The following CARS1 variants were observed in gnomAD, a reference collection of about 807,000 sequenced individuals.
The protein encoded by CARS1 is cysteine--tRNA ligase, cytoplasmic.
In CARS1, 48 loss-of-function variants were observed where a neutral mutation model predicts 106.2. The ratio of observed to expected loss-of-function variants is 0.45; its 90% CI spans 0.36 to 0.57. CARS1 has a LOEUF of 0.57. Among genes scored for constraint, CARS1 ranks in the 20% least tolerant of loss-of-function variants. The pLI is 0.00. For missense variants in CARS1, 968 were observed against 1,057.2 expected (o/e 0.92, Z 1.17); for synonymous variants, 409 against 403.4 (o/e 1.01, Z -0.17).
intron 13 of CARS1, 43 bp downstream of exon 13, chr11:3,018,577 T>G: frequency 6.2e-7 from 1 of 1,613,102 alleles, no homozygotes; most frequent in South Asian, 1.1e-5. Flanking sequence ...TACACATGTA[T>G]GAGAAGGTGG....
rs1270380816 is a variant in CARS1 at position 3,045,775 on chromosome 11, T to A, written c.274+1978A>T. On this transcript the variant is annotated intron_variant, in intron 2 of 22. Coordinates refer to ENST00000380525, the MANE Select transcript of CARS1 (RefSeq NM_001014437.3). This position sits in a 1 kb window ranked among gnomAD's most constrained non-coding sequence, Gnocchi z 5.6. ...GTGCATGCTTGGGGAGTATGAGCCA[T>A]GGAAAGAGAGGGCGTTCCCACTCAG... Among the ~76,000 whole-genome samples the A allele has an allele frequency of 6.6e-6, 1 of 152,154 alleles. No homozygotes were observed. The highest frequency in any genetic ancestry group is 2.4e-5 in the African/African-American group (1 of 41,432).
At chr11:3,001,318 C>A (rs967039726) in intron 22 of CARS1, 70 bp from the exon 23 acceptor site, 81 of 1,573,202 alleles carry the variant, frequency 5.1e-5, no homozygotes, top group Non-Finnish European at 6.6e-5. Context: ...CCTTTCTTTG[C>A]CCTCCCGTCT....
intron 9 of CARS1, chr11:3,027,728 T>C: frequency 2.4e-6 from 1 of 420,130 alleles, no homozygotes. Context: ...AACCTCCTGT[T>C]ATGCCCGGAC....
chr11:3,039,202 C>A lies in CARS1; in HGVS notation c.643G>T (p.Ala215Ser), dbSNP rs558009289. 3.1e-6 allele frequency: 5 copies of A among 1,607,874 alleles called. No homozygotes were observed. The highest frequency in any genetic ancestry group is 1.7e-5 in the Admixed American group (1 of 59,942). ...AAQLLEDVQA[A>S]LKPFSVKLNE... ...GACAGCAAGAGGCCCACCTTCAGGG[C>A]GGCCTGAACATCCTCCAAGAGCTGT... The change falls in exon 6 of 23, where the codon GCC (alanine) becomes TCC (serine). Residue 215 changes from alanine to serine, a missense_variant. Physicochemically the swap from Ala to Ser is moderately conservative, Grantham distance 99. Coordinates refer to ENST00000380525, the MANE Select transcript of CARS1 (RefSeq NM_001014437.3). The surrounding 1 kb of genome is among the most constrained non-coding windows in gnomAD (Gnocchi z 5.6).
rs1036246786 is a variant in CARS1, at chr11:3,003,325, T to C, written c.2218-725A>G. On this transcript the variant is annotated intron_variant, in intron 20 of 22. Transcript: ENST00000380525. The surrounding 1 kb of genome is among the most constrained non-coding windows in gnomAD (Gnocchi z 4.8). ...TCCTTTGGACAGCCTAGGTTTCAGA[T>C]GCTTCCCAGCCCAGTGGAGCTATCA... Among the ~76,000 whole-genome samples, 2 of 152,164 alleles carry C rather than the reference T, an allele frequency of 1.3e-5. No individual in the cohort carries two copies. The highest frequency in any genetic ancestry group is 4.8e-5 in the African/African-American group (2 of 41,412).
Position 3,040,378 on chromosome 11 carries a change from G to C in CARS1, c.456-447C>G. ...ACCCTCTACCCTCCAGGTTGTTCAA[G>C]GGTTGACTATACATGACCTTGGCAC... On this transcript the variant is annotated intron_variant, in intron 4 of 22. Coordinates refer to ENST00000380525, the MANE Select transcript of CARS1 (RefSeq NM_001014437.3). The surrounding 1 kb of genome is among the most constrained non-coding windows in gnomAD (Gnocchi z 5.8). 1.1e-5 allele frequency: 4 copies of C among 366,490 alleles called. No homozygotes were observed. Among genetic ancestry groups the C allele is most frequent in the South Asian group, 8.2e-5 (4 of 48,614 alleles). The allele number at this position is 366,490 out of a possible 1,614,324, so 22.7% of individuals were successfully genotyped here. A position where few individuals can be genotyped will look rare whatever the true frequency, so the allele number is the denominator to read the frequency against.
chr11:3,008,866 C>T lies in CARS1; in HGVS notation c.2069-1907G>A, dbSNP rs1368821224. ...CTTTGAAAGCCACCCCTGGATAGCA[C>T]CCTCATTAGAAGGAAGGCAAGCCAG... On this transcript the variant is annotated intron_variant, in intron 18 of 22. Coordinates refer to ENST00000380525, the MANE Select transcript of CARS1 (RefSeq NM_001014437.3). This position sits in a 1 kb window ranked among gnomAD's most constrained non-coding sequence, Gnocchi z 5.1. 1 of 152,192 alleles carries T rather than the reference C, an allele frequency of 6.6e-6. No homozygotes were observed. Among genetic ancestry groups the T allele is most frequent in the Non-Finnish European group, 1.5e-5 (1 of 68,082 alleles). 9.4% of individuals were successfully genotyped at this position (152,192 alleles called of 1,614,324 possible).
At position 3,020,308 on chromosome 11, in the gene CARS1, C is replaced by T. The variant is rs35862603; in HGVS notation, c.1178G>A (p.Arg393His). The T allele has an allele frequency of 3.6e-5, 58 of 1,613,666 alleles. No homozygotes were observed. The highest frequency in any genetic ancestry group is 2.8e-4 in the African/African-American group (21 of 75,030). Residue 393 changes from arginine to histidine, a missense_variant, in exon 11 of 23, where the codon CGC (arginine) becomes CAC (histidine). Physicochemically the swap from Arg to His is conservative, Grantham distance 29. Coordinates refer to ENST00000380525, the MANE Select transcript of CARS1 (RefSeq NM_001014437.3). This position sits in a 1 kb window ranked among gnomAD's most constrained non-coding sequence, Gnocchi z 4.6. ...GEGDLSISAD[R>H]LSEKRSPNDF... ...GTTGGGAGAGCGCTTCTCACTCAGG[C>T]GGTCTGCAGAGATGCTCAGGTCACC... is the stretch of plus-strand genomic sequence containing the variant.
At chr11:3,012,333 CAG>C in intron 17 of CARS1, 57 bp from the exon 18 acceptor site, 1 of 1,467,874 alleles carries the variant, frequency 6.8e-7, no homozygotes, top group Non-Finnish European at 9.6e-7. Flanking sequence ...ATATTCATAA[CAG>C]AATAATAGCT....
At chr11:3,026,931 C>G (rs1297054397) in intron 9 of CARS1, 134 bp from the exon 10 acceptor site, 1 of 981,100 alleles carries the variant, frequency 1.0e-6, no homozygotes, top group Non-Finnish European at 1.5e-6. Context: ...GTGGTGGCCA[C>G]TGAAAACCGT....
chr11:3,022,936 G>C lies in CARS1; in HGVS notation c.1154-2604C>G, dbSNP rs533196676. Among the ~76,000 whole-genome samples the C allele has an allele frequency of 1.3e-5, 2 of 152,198 alleles. No individual in the cohort carries two copies. The highest frequency in any genetic ancestry group is 2.1e-4 in the South Asian group (1 of 4,818). On this transcript the variant is annotated intron_variant, in intron 10 of 22. Coordinates refer to ENST00000380525, the MANE Select transcript of CARS1 (RefSeq NM_001014437.3). The surrounding 1 kb of genome is among the most constrained non-coding windows in gnomAD (Gnocchi z 4.9). ...ACACTCCTTATGACTCCCCATGGTG[G>C]GGGGAGGTTGCGGGGGTGGTCATGT...
intron 7 of CARS1, chr11:3,031,602 C>A (rs1313462931): frequency 6.6e-6 from 1 of 152,232 alleles, no homozygotes; most frequent in Admixed American, 6.5e-5. Flanking sequence ...AACTGAAAAA[C>A]CAACTCTTCT....
rs1221485281 is a variant in CARS1 at position 3,053,055 on chromosome 11, G to C, written c.25+4288C>G. On this transcript the variant is annotated intron_variant, in intron 1 of 22. Coordinates refer to ENST00000380525, the MANE Select transcript of CARS1 (RefSeq NM_001014437.3). This position sits in a 1 kb window ranked among gnomAD's most constrained non-coding sequence, Gnocchi z 6.6. Reference sequence around the variant, plus strand: ...CGGCTACAAAGGTGGAGTCTCTACAGAACATTTATTGAAATCACATGCAAG... The same window carrying C: ...CGGCTACAAAGGTGGAGTCTCTACACAACATTTATTGAAATCACATGCAAG... Among the ~76,000 whole-genome samples the C allele has an allele frequency of 6.6e-6, 1 of 152,190 alleles. No homozygotes were observed. Among genetic ancestry groups the C allele is most frequent in the East Asian group, 1.9e-4 (1 of 5,192 alleles).
intron 16 of CARS1, among the ~76,000 whole-genome samples, chr11:3,016,805 G>A (rs1199743018): frequency 1.3e-5 from 2 of 152,094 alleles, no homozygotes; most frequent in African/African-American, 4.8e-5. Context: ...ATAGACCCGG[G>A]ATCTCACTAT....
intron 13 of CARS1, 32 bp from the exon 14 acceptor site, chr11:3,018,543 T>TA: frequency 1.2e-6 from 2 of 1,612,916 alleles, no homozygotes; most frequent in African/African-American, 2.7e-5. Context: ...CCAACGCCCT[T>TA]ATTCTCCCGA....
At chr11:3,014,546 C>G (rs1850802563) in intron 17 of CARS1, among the ~76,000 whole-genome samples, 1 of 152,246 alleles carries the variant, frequency 6.6e-6, no homozygotes, top group African/African-American at 2.4e-5. Context: ...CACTGCAGTT[C>G]AAAGGCAGGC....
chr11:3,025,111 A>T (rs1225921622), intron 10 of CARS1, among the ~76,000 whole-genome samples: 1 of 152,172 alleles, frequency 6.6e-6, no homozygotes, highest in Non-Finnish European at 1.5e-5. Context: ...GCGCTTCATC[A>T]TCACAAACCC....
rs901794704 is a variant in CARS1 at position 3,020,107 on chromosome 11, G to A, written c.1266+113C>T. On this transcript the variant is annotated intron_variant, in intron 11 of 22. Transcript: ENST00000380525. This position sits in a 1 kb window ranked among gnomAD's most constrained non-coding sequence, Gnocchi z 4.6. ...CTGTGCTGCACCAGCACCAGGCTCT[G>A]GCCCAGTGACAACATCCTTCACACA... is the stretch of plus-strand genomic sequence containing the variant. 2 of 725,592 alleles carry A rather than the reference G, an allele frequency of 2.8e-6. No individual in the cohort carries two copies. Among genetic ancestry groups the A allele is most frequent in the Admixed American group, 2.0e-5 (1 of 50,624 alleles). 44.9% of individuals were successfully genotyped at this position (725,592 alleles called of 1,614,324 possible). A position where few individuals can be genotyped will look rare whatever the true frequency, so the allele number is the denominator to read the frequency against.
At chr11:3,051,941 T>C (rs17687673) in intron 1 of CARS1, among the ~76,000 whole-genome samples, 9,546 of 152,326 alleles carry the variant, frequency 0.063, 392 homozygotes, top group Middle Eastern at 0.099. Flanking sequence ...GACAGTCACG[T>C]GCCTCTCACA....
Sources: gnomAD v4.1 joint callset for allele counts (sites outside exome capture counted in the v4.1 genomes callset) on GRCh38, gnomAD v4.1.1 for gene constraint, Gnocchi (gnomAD v3.1) non-coding constraint, MANE v1.5 for transcripts, NCBI Gene and HGNC (gene_info 2026-07-23, HGNC 2026-07-21) for gene names.